Variants in AGAP1 observed in about 807,000 individuals in gnomAD.
AGAP1 encodes the protein ArfGAP with GTPase domain, ankyrin repeat and PH domain 1.
In AGAP1, 29 loss-of-function variants were observed where a neutral mutation model predicts 105.3. The ratio of observed to expected loss-of-function variants is 0.28; its 90% confidence interval spans 0.21 to 0.38. The LOEUF is 0.38. Among genes scored for constraint, AGAP1 ranks in the 10% least tolerant of loss-of-function variants. The pLI is 1.00. For synonymous variants in AGAP1, 509 were observed against 485.9 expected, an observed-to-expected ratio of 1.05 and a Z score of -0.63; for missense variants, 998 against 1,165.1, an observed-to-expected ratio of 0.86 and a Z score of 2.09.
intron 12 of AGAP1, among the ~76,000 whole-genome samples, chr2:235,933,442 A>C (rs1030915859): frequency 6.6e-6 from 1 of 152,198 alleles, no homozygotes; most frequent in Admixed American, 6.6e-5. Context: ...GACATTTTAC[A>C]GAGCAAAGAT....
In AGAP1 at chr2:235,590,712, T is replaced by TGTGTGTGCGC. The variant is rs369129304; in HGVS notation, c.163+95864_163+95865insTGTGTGCGCG. Among the ~76,000 whole-genome samples the TGTGTGTGCGC allele has an allele frequency of 3.2e-3, 373 of 117,040 alleles. 7 individuals carry two copies. The highest frequency in any genetic ancestry group is 8.6e-3 in the African/African-American group (237 of 27,426). The allele number at this position is 117,040 out of a possible 152,430, so 76.8% of individuals were successfully genotyped here. ...GTGTGCGTGTGTGTGTGTGTGTGTG[T>TGTGTGTGCGC]GCATTTTTTTTTTTTTTTTTTTTTT... On this transcript the variant is annotated intron_variant, in intron 1 of 17. Transcript: ENST00000304032.
At chr2:235,607,913 A>G (rs995811245) in intron 1 of AGAP1, among the ~76,000 whole-genome samples, 3 of 152,234 alleles carry the variant, frequency 2.0e-5, no homozygotes, top group African/African-American at 4.8e-5. Context: ...ACCAAAACAA[A>G]TATTGTTCTT....
Position 235,690,454 on chromosome 2 carries a change from A to C in AGAP1, c.164-18725A>C, listed in dbSNP as rs1949685966. Among the ~76,000 whole-genome samples, 1 of 152,192 alleles carries C rather than the reference A, an allele frequency of 6.6e-6. No individual in the cohort carries two copies. The highest frequency in any genetic ancestry group is 2.1e-4 in the South Asian group (1 of 4,830). On this transcript the variant is annotated intron_variant, in intron 1 of 17. Transcript: ENST00000304032. The surrounding 1 kb of genome is among the most constrained non-coding windows in gnomAD (Gnocchi z 4.1). ...TATTATGCATTTGAAACATTGAGAC[A>C]CAGCTTCTAGTTTAAAATAAAGGTG...
In AGAP1 at chr2:235,639,387, G is replaced by A. The variant is rs770381526; in HGVS notation, c.164-69792G>A. On this transcript the variant is annotated intron_variant, in intron 1 of 17. Transcript: ENST00000304032. This position sits in a 1 kb window ranked among gnomAD's most constrained non-coding sequence, Gnocchi z 5.3. ...GGACCACGGTGTGGCCTGAGAAGTC[G>A]GCCTGCGATAGAACCCGGGGAATCC... 4.6e-5 allele frequency among the ~76,000 whole-genome samples: 7 copies of A among 152,116 alleles called. No homozygotes were observed. Among genetic ancestry groups the A allele is most frequent in the South Asian group, 2.1e-4 (1 of 4,826 alleles).
intron 9 of AGAP1, among the ~76,000 whole-genome samples, chr2:235,846,919 C>T (rs1027181901): frequency 6.6e-5 from 10 of 152,214 alleles, no homozygotes; most frequent in African/African-American, 1.7e-4. Context: ...TGAGCCACTG[C>T]GCCTGGTCTG....
At chr2:235,626,871 AAC>A (rs1441898564) in intron 1 of AGAP1, among the ~76,000 whole-genome samples, 1 of 152,200 alleles carries the variant, frequency 6.6e-6, no homozygotes, top group African/African-American at 2.4e-5. Context: ...TATTTACAAA[AAC>A]ACATGGTGGG....
At chr2:235,539,863 C>T (rs1486287531) in intron 1 of AGAP1, among the ~76,000 whole-genome samples, 1 of 152,160 alleles carries the variant, frequency 6.6e-6, no homozygotes, top group Non-Finnish European at 1.5e-5. Flanking sequence ...GAAGATTTCT[C>T]TTGCACTTGT....
At position 235,879,281 on chromosome 2, in the gene AGAP1, C is replaced by T. The variant is rs1349423921; in HGVS notation, c.1051-4064C>T. Among the ~76,000 whole-genome samples the T allele has an allele frequency of 6.6e-6, 1 of 152,176 alleles. No homozygotes were observed. Among genetic ancestry groups the T allele is most frequent in the East Asian group, 1.9e-4 (1 of 5,186 alleles). On this transcript the variant is annotated intron_variant, in intron 9 of 17. Coordinates refer to ENST00000304032, the MANE Select transcript of AGAP1 (RefSeq NM_001037131.3). The surrounding 1 kb of genome is among the most constrained non-coding windows in gnomAD (Gnocchi z 5.0). ...TGCTCCAGCCACTGAAAGAAAAGTG[C>T]ACCTGCCCCAGCCCAGCTAGACCAC... is the stretch of plus-strand genomic sequence containing the variant.
chr2:235,706,596 G>C (rs973071751), intron 1 of AGAP1, among the ~76,000 whole-genome samples: 2 of 152,290 alleles, frequency 1.3e-5, no homozygotes, highest in South Asian at 4.1e-4. Context: ...ATCCATCTCT[G>C]TATCGCACCT....
At position 236,078,409 on chromosome 2, in the gene AGAP1, T is replaced by C. The variant is rs756611385; in HGVS notation, c.2114+29128T>C. On this transcript the variant is annotated intron_variant, in intron 16 of 17. Coordinates refer to ENST00000304032, the MANE Select transcript of AGAP1 (RefSeq NM_001037131.3). The surrounding 1 kb of genome is among the most constrained non-coding windows in gnomAD (Gnocchi z 5.3). ...CATCTACAAAAGGCCTTCACAGCAA[T>C]GCATAGGTTGTGTGTGATGAAATCA... 6.6e-5 allele frequency among the ~76,000 whole-genome samples: 10 copies of C among 152,134 alleles called. No homozygotes were observed. The highest frequency in any genetic ancestry group is 3.2e-3 in the Middle Eastern group (1 of 314).
intron 1 of AGAP1, among the ~76,000 whole-genome samples, chr2:235,606,712 C>T (rs953223093): frequency 2.6e-5 from 4 of 152,138 alleles, no homozygotes; most frequent in Non-Finnish European, 5.9e-5. Flanking sequence ...CTTTGGGAGG[C>T]TGAGACGGGC....
chr2:235,985,038 G>C (rs961645812), intron 13 of AGAP1, among the ~76,000 whole-genome samples: 1 of 152,054 alleles, frequency 6.6e-6, no homozygotes. Context: ...ACTGTCTTCC[G>C]CAATGGTTGA....
In AGAP1 at chr2:235,551,288, G is replaced by A. The variant is rs544475781; in HGVS notation, c.163+56439G>A. Among the ~76,000 whole-genome samples, 11 of 151,964 alleles carry A rather than the reference G, an allele frequency of 7.2e-5. No individual in the cohort carries two copies. Among genetic ancestry groups the A allele is most frequent in the African/African-American group, 2.7e-4 (11 of 41,278 alleles). Reference sequence around the variant, plus strand: ...CATCTCTTGAGTTGATTCTGAAAGGGTGAGGAGAGAGGGGCTAGACAGATT... The same window carrying A: ...CATCTCTTGAGTTGATTCTGAAAGGATGAGGAGAGAGGGGCTAGACAGATT... On this transcript the variant is annotated intron_variant, in intron 1 of 17. Transcript: ENST00000304032. This position sits in a 1 kb window ranked among gnomAD's most constrained non-coding sequence, Gnocchi z 4.8.
rs758924390 is a variant in AGAP1 at position 235,963,511 on chromosome 2, G to T, written c.1484-4951G>T. Among the ~76,000 whole-genome samples, 1 of 152,210 alleles carries T rather than the reference G, an allele frequency of 6.6e-6. No homozygotes were observed. The highest frequency in any genetic ancestry group is 2.1e-4 in the South Asian group (1 of 4,830). On this transcript the variant is annotated intron_variant, in intron 12 of 17. Coordinates refer to ENST00000304032, the MANE Select transcript of AGAP1 (RefSeq NM_001037131.3). The surrounding 1 kb of genome is among the most constrained non-coding windows in gnomAD (Gnocchi z 5.1). ...TATCGTTTTCAGTTGTCAAAAATACGTGTGAGTTGGGTACCATATAGCCCT... is the reference window on the plus strand; with the variant it reads ...TATCGTTTTCAGTTGTCAAAAATACTTGTGAGTTGGGTACCATATAGCCCT...
intron 6 of AGAP1, among the ~76,000 whole-genome samples, chr2:235,771,834 C>T (rs1317691883): frequency 6.6e-6 from 1 of 152,100 alleles, no homozygotes; most frequent in East Asian, 1.9e-4. Flanking sequence ...TCGTTTTAAC[C>T]TTACAATATT....
chr2:235,841,428 A>G (rs1188187441), intron 9 of AGAP1, among the ~76,000 whole-genome samples: 3 of 152,140 alleles, frequency 2.0e-5, no homozygotes, highest in South Asian at 2.1e-4. Flanking sequence ...CAGGAGTTCT[A>G]TACCAGCCTG....
Position 235,993,639 on chromosome 2 carries a change from G to A in AGAP1, c.1645+25016G>A, listed in dbSNP as rs745739963. 6.6e-6 allele frequency among the ~76,000 whole-genome samples: 1 copy of A among 152,242 alleles called. No individual in the cohort carries two copies. The highest frequency in any genetic ancestry group is 1.5e-5 in the Non-Finnish European group (1 of 68,044). On this transcript the variant is annotated intron_variant, in intron 13 of 17. Coordinates refer to ENST00000304032, the MANE Select transcript of AGAP1 (RefSeq NM_001037131.3). The surrounding 1 kb of genome is among the most constrained non-coding windows in gnomAD (Gnocchi z 5.0). ...AGGAAAATGCTTGGAGAATGTTGCA[G>A]CCTGTGTCCCTGTTGGAGTTTTTGC...
chr2:235,629,231 C>T lies in AGAP1; in HGVS notation c.164-79948C>T, dbSNP rs140904027. On this transcript the variant is annotated intron_variant, in intron 1 of 17. Transcript: ENST00000304032. ...ATCTCATCCAGGTCACTGCAAATGCCGTTAATTCATTCCTTCTTAAGGCTG... is the reference window on the plus strand; with the variant it reads ...ATCTCATCCAGGTCACTGCAAATGCTGTTAATTCATTCCTTCTTAAGGCTG... Among the ~76,000 whole-genome samples, 6 of 150,614 alleles carry T rather than the reference C, an allele frequency of 4.0e-5. No individual in the cohort carries two copies. The East Asian group carries it at 1.2e-3, about 29-fold the overall frequency.
intron 10 of AGAP1, among the ~76,000 whole-genome samples, chr2:235,897,802 A>G (rs2050877038): frequency 1.3e-5 from 2 of 152,240 alleles, no homozygotes; most frequent in South Asian, 2.1e-4. Context: ...TTTCATTATT[A>G]TATTTTATAA....
Sources: gnomAD v4.1 joint callset for allele counts (sites outside exome capture counted in the v4.1 genomes callset) on GRCh38, gnomAD v4.1.1 for gene constraint, Gnocchi (gnomAD v3.1) non-coding constraint, MANE v1.5 for transcripts, NCBI Gene and HGNC (gene_info 2026-07-23, HGNC 2026-07-21) for gene names.